TP73: variants seen among roughly 807,000 people sequenced by gnomAD.
TP73 encodes the protein p53-like transcription factor.
TP73 carries 25 observed loss-of-function variants against 62.5 expected under a neutral mutation model. That is an observed-to-expected ratio of 0.40 (90% CI 0.29 to 0.56). The LOEUF (loss-of-function observed/expected upper bound fraction) is 0.56, where lower values mean the gene tolerates loss of function less well. TP73 is among the 20% of genes least tolerant of loss of function. The pLI is 0.46. For missense variants in TP73, 754 were observed against 913.3 expected (o/e 0.83, Z 2.25); for synonymous variants, 423 against 377.5 (o/e 1.12, Z -1.40).
intron 3 of TP73, among the ~76,000 whole-genome samples, chr1:3,685,829 G>A (rs1258623192): frequency 1.3e-5 from 2 of 152,224 alleles, no homozygotes; most frequent in African/African-American, 4.8e-5. Flanking sequence ...CCGGTTCAGT[G>A]CGGATGCGGG....
intron 4 of TP73, among the ~76,000 whole-genome samples, chr1:3,708,874 C>T (rs536643754): frequency 6.6e-6 from 1 of 152,342 alleles, no homozygotes; most frequent in South Asian, 2.1e-4. Flanking sequence ...CCCTCCCCCA[C>T]GAGGCCCCGC....
chr1:3,673,522 C>T (rs944719638), intron 1 of TP73, among the ~76,000 whole-genome samples: 2 of 152,204 alleles, frequency 1.3e-5, no homozygotes, highest in African/African-American at 4.8e-5. Flanking sequence ...ACAATTATCT[C>T]CATTTTACAG....
At position 3,697,279 on chromosome 1, in the gene TP73, G is replaced by A. The variant is rs11802364; in HGVS notation, c.187-10270G>A. ...TCTCAACACCGGAGCCAGAGGGAGC[G>A]CTTTGCAGCCCCGGGCGTCTCTGCT... On this transcript the variant is annotated intron_variant, in intron 3 of 13. Transcript: ENST00000378295. Among the ~76,000 whole-genome samples the A allele has an allele frequency of 3.1e-3, 476 of 152,334 alleles. 2 individuals are homozygous for A. The highest frequency in any genetic ancestry group is 0.01 in the African/African-American group (422 of 41,578).
chr1:3,727,829 G>T (rs936319792), intron 8 of TP73, 59 bp downstream of exon 8: 2 of 1,468,942 alleles, frequency 1.4e-6, no homozygotes, highest in Admixed American at 4.6e-5. Flanking sequence ...CACATTGGCA[G>T]GACACAATGT....
In TP73 at chr1:3,730,923, C is replaced by A; in HGVS notation, c.1346-4C>A. 6.3e-7 allele frequency: 1 copy of A among 1,598,758 alleles called. No homozygotes were observed. Among genetic ancestry groups the A allele is most frequent in the Non-Finnish European group, 8.5e-7 (1 of 1,172,968 alleles). On this transcript the variant is annotated splice_polypyrimidine_tract_variant and splice_region_variant and intron_variant, in intron 11 of 13. Coordinates refer to ENST00000378295, the MANE Select transcript of TP73 (RefSeq NM_005427.4). The stretch of plus-strand genomic sequence containing the variant: ...CCTGATGGCCCCACCTGCCTCTCAC[C>A]CAGGCCCCGGGATGCTCAACAACCA...
chr1:3,706,837 G>A (rs959363871), intron 3 of TP73, among the ~76,000 whole-genome samples: 5 of 152,162 alleles, frequency 3.3e-5, no homozygotes, highest in Admixed American at 6.5e-5. Context: ...GGGGAGCTGC[G>A]GGTAGGGGCC....
intron 1 of TP73, among the ~76,000 whole-genome samples, chr1:3,658,756 A>G (rs116035842): frequency 0.029 from 4,388 of 150,252 alleles, 102 homozygotes; most frequent in Non-Finnish European, 0.045. Context: ...TCAACATGGC[A>G]TATTTTGGGG....
At chr1:3,718,634 A>G (rs912607554) in intron 4 of TP73, among the ~76,000 whole-genome samples, 1 of 152,026 alleles carries the variant, frequency 6.6e-6, no homozygotes, top group African/African-American at 2.4e-5. Flanking sequence ...GCTGTCAGGG[A>G]GCGACGGCTG....
At chr1:3,714,800 A>C (rs1473950627) in intron 4 of TP73, among the ~76,000 whole-genome samples, 2 of 152,206 alleles carry the variant, frequency 1.3e-5, no homozygotes, top group African/African-American at 4.8e-5. Context: ...TGCAAGCCCC[A>C]GCTTTTGTCT....
In TP73 at chr1:3,701,259, C is replaced by G. The variant is rs531227548; in HGVS notation, c.187-6290C>G. ...ATCCGTCCCTGTGCCCAGGGCTTAG[C>G]GACTGTCCTCTGCGTAGTGAATCTG... On this transcript the variant is annotated intron_variant, in intron 3 of 13. Coordinates refer to ENST00000378295, the MANE Select transcript of TP73 (RefSeq NM_005427.4). The surrounding 1 kb of genome is among the most constrained non-coding windows in gnomAD (Gnocchi z 4.7). Among the ~76,000 whole-genome samples the G allele has an allele frequency of 3.9e-5, 6 of 152,092 alleles. No individual in the cohort carries two copies. Among genetic ancestry groups the G allele is most frequent in the Non-Finnish European group, 8.8e-5 (6 of 68,000 alleles).
intron 6 of TP73, among the ~76,000 whole-genome samples, chr1:3,726,029 ATGTG>A (rs2124505537): frequency 4.1e-5 from 1 of 24,566 alleles, no homozygotes; most frequent in Non-Finnish European, 7.2e-5. Context: ...GTGGGGGTGG[ATGTG>A]TGGGTGGATG....
intron 1 of TP73, among the ~76,000 whole-genome samples, chr1:3,679,886 T>A (rs566658675): frequency 6.6e-5 from 10 of 152,108 alleles, no homozygotes; most frequent in Middle Eastern, 3.4e-3. Context: ...TGCCTTTGTC[T>A]CTCTCCGTCT....
chr1:3,705,287 A>G (rs577472125), intron 3 of TP73, among the ~76,000 whole-genome samples: 1 of 152,364 alleles, frequency 6.6e-6, no homozygotes, highest in Admixed American at 6.5e-5. Flanking sequence ...GTACAGACAC[A>G]CTGTTTCTTT....
chr1:3,674,370 C>T (rs550188536), intron 1 of TP73, among the ~76,000 whole-genome samples: 1 of 152,366 alleles, frequency 6.6e-6, no homozygotes, highest in East Asian at 1.9e-4. Context: ...GCACGCTACC[C>T]CACCGTGGGA....
rs552607783 is a variant in TP73 at position 3,709,969 on chromosome 1, C to T, written c.429+2178C>T. The stretch of plus-strand genomic sequence containing the variant: ...CATCTAGGGTATCTGCCACCCCCAC[C>T]CCCTGCCAGGTGTGTGGCATCAGGT... On this transcript the variant is annotated intron_variant, in intron 4 of 13. Coordinates refer to ENST00000378295, the MANE Select transcript of TP73 (RefSeq NM_005427.4). 3.3e-5 allele frequency among the ~76,000 whole-genome samples: 5 copies of T among 152,280 alleles called. No individual in the cohort carries two copies. In the East Asian group the frequency reaches 9.7e-4, roughly 29 times the overall value.
At chr1:3,706,315 C>T (rs530991587) in intron 3 of TP73, among the ~76,000 whole-genome samples, 288 of 151,378 alleles carry the variant, frequency 1.9e-3, no homozygotes, top group Non-Finnish European at 3.4e-3. Context: ...AATCATGGTG[C>T]CCACCGCAGG....
chr1:3,706,925 C>T (rs549827413), intron 3 of TP73, among the ~76,000 whole-genome samples: 6 of 152,180 alleles, frequency 3.9e-5, no homozygotes, highest in East Asian at 1.9e-4. Flanking sequence ...CCTTTCCAGT[C>T]GGGGTGAGGC....
chr1:3,733,238 G>A lies in TP73; in HGVS notation c.*159G>A. On this transcript the variant is annotated 3_prime_UTR_variant, in exon 14 of 14. Transcript: ENST00000378295. ...ATCCCCAGGCACCTCACAGGCCCCA[G>A]GAAAGGCCCAGCCACCGAAGCCGCC... 3.3e-6 allele frequency: 3 copies of A among 903,874 alleles called. No homozygotes were observed. The highest frequency in any genetic ancestry group is 2.9e-5 in the Admixed American group (1 of 34,240). The allele number at this position is 903,874 out of a possible 1,614,324, so 56.0% of individuals were successfully genotyped here. A position where few individuals can be genotyped will look rare whatever the true frequency, so the allele number is the denominator to read the frequency against.
chr1:3,730,232 C>G, intron 11 of TP73, 84 bp downstream of exon 11: 1 of 1,365,680 alleles, frequency 7.3e-7, no homozygotes. Context: ...CCACCCAGCT[C>G]GGGACCCAGG....
Sources: gnomAD v4.1 joint callset for allele counts (sites outside exome capture counted in the v4.1 genomes callset) on GRCh38, gnomAD v4.1.1 for gene constraint, Gnocchi (gnomAD v3.1) non-coding constraint, MANE v1.5 for transcripts, NCBI Gene and HGNC (gene_info 2026-07-23, HGNC 2026-07-21) for gene names.